The following PIK3C2G variants were observed in gnomAD, a reference collection of about 807,000 sequenced individuals.
PIK3C2G encodes the protein phosphatidylinositol 3-kinase C2 domain-containing subunit gamma.
A neutral mutation model predicts 181.1 loss-of-function variants in PIK3C2G; 168 were observed. That is an observed-to-expected ratio of 0.93 (90% CI 0.82 to 1.05). The LOEUF is 1.05. Ranked by LOEUF, PIK3C2G falls within the 50% of genes least tolerant of loss-of-function variation. The pLI is 0.00. For synonymous variants in PIK3C2G, 573 were observed against 592.2 expected (o/e 0.97, Z 0.47); for missense variants, 1,869 against 1,732.8 (o/e 1.08, Z -1.40).
chr12:18,533,113 G>C (rs1943647484), intron 24 of PIK3C2G, among the ~76,000 whole-genome samples: 1 of 151,982 alleles, frequency 6.6e-6, no homozygotes, highest in Non-Finnish European at 1.5e-5. Context: ...AATTTCCAGA[G>C]TTCTTAATAT....
intron 29 of PIK3C2G, among the ~76,000 whole-genome samples, chr12:18,587,306 C>A (rs1332173723): frequency 6.6e-6 from 1 of 152,118 alleles, no homozygotes; most frequent in African/African-American, 2.4e-5. Context: ...ATCTCAAAAA[C>A]CCCATTGTCT....
At chr12:18,469,513 A>G (rs1938243250) in intron 18 of PIK3C2G, among the ~76,000 whole-genome samples, 1 of 152,078 alleles carries the variant, frequency 6.6e-6, no homozygotes, top group South Asian at 2.1e-4. Context: ...ACTTGTAATC[A>G]TTTTTCAAAT....
upstream of PIK3C2G, among the ~76,000 whole-genome samples, chr12:18,245,871 C>G (rs533016418): frequency 6.6e-6 from 1 of 152,124 alleles, no homozygotes; most frequent in South Asian, 2.1e-4. Flanking sequence ...AATTAGAGCA[C>G]TTAAATATTT....
At chr12:18,497,910 G>T (rs548813328) in intron 22 of PIK3C2G, among the ~76,000 whole-genome samples, 162 bp downstream of exon 22, 7 of 152,248 alleles carry the variant, frequency 4.6e-5, no homozygotes, top group African/African-American at 1.7e-4. Flanking sequence ...TTTCAAAAAT[G>T]ATAAGCCAAC....
rs773615749 is a variant in PIK3C2G at position 18,314,060 on chromosome 12, G to T, written c.1133G>T (p.Arg378Leu). The T allele has an allele frequency of 2.6e-6, 4 of 1,510,486 alleles. No individual in the cohort carries two copies. Among genetic ancestry groups the T allele is most frequent in the Non-Finnish European group, 3.6e-6 (4 of 1,100,446 alleles). The allele number at this position is 1,510,486 out of a possible 1,614,324, so 93.6% of individuals were successfully genotyped here. The change falls in exon 6 of 33, where the codon CGA becomes CTA. Residue 378 changes from arginine (R) to leucine (L), a missense_variant. By Grantham distance (102) the Arg-to-Leu change is moderately radical. Transcript: ENST00000538779. ...AGGGAAGCTCCAGGAAAGCTATCTC[G>T]AAAGGTAAGACTTTCTTAGCATTGG... ...KSREAPGKLS[R>L]KHEEDHSQFY...
At chr12:18,656,693 C>T in the PIK3C2G span, among the ~76,000 whole-genome samples, 1 of 152,126 alleles carries the variant, frequency 6.6e-6, no homozygotes, top group Non-Finnish European at 1.5e-5. Flanking sequence ...TATGATCATG[C>T]CACTGCACTC....
intron 31 of PIK3C2G, among the ~76,000 whole-genome samples, chr12:18,625,986 T>A (rs1949080697): frequency 6.6e-6 from 1 of 151,882 alleles, no homozygotes; most frequent in Non-Finnish European, 1.5e-5. Context: ...ACTTTGTATC[T>A]TTTATTAAAG....
At chr12:18,650,615 C>A (rs1437307414), downstream of PIK3C2G, among the ~76,000 whole-genome samples, 1 of 145,264 alleles carries the variant, frequency 6.9e-6, no homozygotes, top group African/African-American at 2.5e-5. Context: ...CTGATACGGG[C>A]TCACTTGAAA....
At chr12:18,341,585 C>T (rs1382687086) in intron 9 of PIK3C2G, among the ~76,000 whole-genome samples, 2 of 152,126 alleles carry the variant, frequency 1.3e-5, no homozygotes, top group Non-Finnish European at 2.9e-5. Context: ...CTGCTGAAAG[C>T]TCATTTATTC....
At chr12:18,251,080 T>A (rs1318570551) in intron 1 of PIK3C2G, among the ~76,000 whole-genome samples, 1 of 151,692 alleles carries the variant, frequency 6.6e-6, no homozygotes, top group African/African-American at 2.4e-5. Context: ...TTTTCTAGAG[T>A]TTTTAGAAAT....
chr12:18,695,925 T>C, the PIK3C2G span, among the ~76,000 whole-genome samples: 1 of 152,052 alleles, frequency 6.6e-6, no homozygotes, highest in East Asian at 2.0e-4. Context: ...CCTCGTGAAT[T>C]TAACCACCAT....
At chr12:18,374,241 T>G (rs1942277192) in intron 13 of PIK3C2G, among the ~76,000 whole-genome samples, 1 of 152,134 alleles carries the variant, frequency 6.6e-6, no homozygotes, top group Non-Finnish European at 1.5e-5. Context: ...GTTTAAAACC[T>G]TGAAAAATCA....
intron 18 of PIK3C2G, among the ~76,000 whole-genome samples, chr12:18,435,781 C>G (rs1404049762): frequency 1.3e-5 from 2 of 152,014 alleles, no homozygotes; most frequent in Non-Finnish European, 2.9e-5. Context: ...GTTCCCTTGT[C>G]TGTCTATATA....
At chr12:18,362,615 T>C in intron 11 of PIK3C2G, 149 bp from the exon 12 acceptor site, 1 of 581,118 alleles carries the variant, frequency 1.7e-6, no homozygotes, top group Non-Finnish European at 2.8e-6. Context: ...ATACTCAGCC[T>C]AAATTCTTAA....
At chr12:18,584,696 C>A (rs1209683651) in intron 29 of PIK3C2G, among the ~76,000 whole-genome samples, 1 of 151,954 alleles carries the variant, frequency 6.6e-6, no homozygotes, top group Non-Finnish European at 1.5e-5. Flanking sequence ...ATAGAGGACC[C>A]CTGCAAGATT....
At chr12:18,666,322 G>A in the PIK3C2G span, among the ~76,000 whole-genome samples, 2 of 151,888 alleles carry the variant, frequency 1.3e-5, no homozygotes, top group Non-Finnish European at 2.9e-5. Context: ...TAAGAAGCAC[G>A]ATCCAATTAT....
the PIK3C2G span, among the ~76,000 whole-genome samples, chr12:18,713,225 A>C: frequency 2.0e-5 from 3 of 151,920 alleles, no homozygotes; most frequent in African/African-American, 7.3e-5. Context: ...CAAATGTTTT[A>C]CTCTTCCGTG....
intron 30 of PIK3C2G, among the ~76,000 whole-genome samples, chr12:18,603,267 A>G (rs188394736): frequency 2.8e-4 from 43 of 152,260 alleles, no homozygotes; most frequent in Admixed American, 2.4e-3. Context: ...AGTAGAAGAA[A>G]GAAACTCAGA....
intron 3 of PIK3C2G, among the ~76,000 whole-genome samples, chr12:18,290,231 T>C (rs1949631731): frequency 1.3e-5 from 2 of 152,166 alleles, no homozygotes; most frequent in South Asian, 4.1e-4. Context: ...GGATTCAAAG[T>C]CAAGGCTTCT....
Sources: gnomAD v4.1 joint callset for allele counts (sites outside exome capture counted in the v4.1 genomes callset) on GRCh38, gnomAD v4.1.1 for gene constraint, MANE v1.5 for transcripts, NCBI Gene and HGNC (gene_info 2026-07-23, HGNC 2026-07-21) for gene names.